The following HLA-DPA1 variants were observed in gnomAD, a reference collection of about 807,000 sequenced individuals.
The protein encoded by HLA-DPA1 is HLA class II histocompatibility antigen, DP alpha 1 chain.
A neutral mutation model predicts 21.5 loss-of-function variants in HLA-DPA1; 20 were observed. The observed-to-expected ratio is 0.93, with a 90% confidence interval of 0.66 to 1.35. The LOEUF is 1.35. Among genes scored for constraint, HLA-DPA1 ranks in the 40% most tolerant of loss-of-function variants. The pLI is 0.00. For synonymous variants in HLA-DPA1, 123 were observed against 129.6 expected (o/e 0.95, Z 0.35); for missense variants, 279 against 323.0 (o/e 0.86, Z 1.05).
exon 4 of HLA-DPA1, chr6:33,069,143 G>A (rs1489802379): frequency 6.2e-7 from 1 of 1,613,050 alleles, no homozygotes; most frequent in South Asian, 1.1e-5. Flanking sequence ...TTCTGGGCAG[G>A]AAGAGGCTCT....
intron 1 of HLA-DPA1, among the ~76,000 whole-genome samples, chr6:33,078,541 A>G (rs1454829490): frequency 6.6e-6 from 1 of 152,164 alleles, no homozygotes; most frequent in Non-Finnish European, 1.5e-5. Context: ...TAAGAGACGA[A>G]TTCATTCAGA....
exon 3 of HLA-DPA1, chr6:33,069,849 C>A (rs1042174): frequency 1.2e-6 from 2 of 1,604,790 alleles, no homozygotes; most frequent in East Asian, 2.2e-5. Context: ...TTGGTCTATG[C>A]GTCTGTACAA....
chr6:33,073,379 G>A (rs1289406212), intron 2 of HLA-DPA1, 92 bp downstream of exon 1: 7 of 804,722 alleles, frequency 8.7e-6, no homozygotes, highest in African/African-American at 1.7e-5. Flanking sequence ...ATAGATCAAT[G>A]AGCCCCTAAA....
chr6:33,078,974 G>A (rs1762699660), intron 1 of HLA-DPA1, among the ~76,000 whole-genome samples: 1 of 152,084 alleles, frequency 6.6e-6, no homozygotes, highest in South Asian at 2.1e-4. Context: ...TTAGGGTCTG[G>A]GGCCCAAGGC....
intron 5 of HLA-DPA1, chr6:33,067,480 A>T (rs1762019460): frequency 6.6e-6 from 1 of 152,174 alleles, no homozygotes; most frequent in South Asian, 2.1e-4. Context: ...GAATCCCCCA[A>T]CAGAAGCAGA....
At chr6:33,075,279 A>G (rs916027583) in intron 1 of HLA-DPA1, among the ~76,000 whole-genome samples, 6 of 152,164 alleles carry the variant, frequency 3.9e-5, no homozygotes, top group African/African-American at 1.4e-4. Flanking sequence ...TCATCCCCAT[A>G]TTGAAGACAA....
chr6:33,070,022 A>G, intron 2 of HLA-DPA1, 136 bp from the exon 2 acceptor site: 1 of 716,246 alleles, frequency 1.4e-6, no homozygotes, highest in Non-Finnish European at 2.3e-6. Flanking sequence ...CATATGGGGA[A>G]GAAGAAGGAG....
At chr6:33,073,545 T>C (rs776747628) in exon 2 of HLA-DPA1, 5 of 1,612,760 alleles carry the variant, frequency 3.1e-6, no homozygotes, top group Non-Finnish European at 4.2e-6. Flanking sequence ...AGCTCTGATA[T>C]GGAACATTCT....
chr6:33,079,582 G>A, intron 1 of HLA-DPA1: 1 of 416,358 alleles, frequency 2.4e-6, no homozygotes, highest in Non-Finnish European at 4.6e-6. Flanking sequence ...TTAACAGTAG[G>A]GTTCGTAGAA....
At chr6:33,068,863 G>C (rs1172292010) in intron 4 of HLA-DPA1, 59 bp from the exon 4 acceptor site, 3 of 1,583,886 alleles carry the variant, frequency 1.9e-6, no homozygotes, top group African/African-American at 2.7e-5. Flanking sequence ...GATGGCCTGG[G>C]ATGGTTGTGG....
At chr6:33,073,415 G>T in intron 2 of HLA-DPA1, 56 bp downstream of exon 1, 1 of 847,276 alleles carries the variant, frequency 1.2e-6, no homozygotes, top group Non-Finnish European at 1.8e-6. Flanking sequence ...AGCAGCAATT[G>T]ATGTGAACCA....
intron 1 of HLA-DPA1, chr6:33,076,258 T>C: frequency 1.5e-6 from 1 of 676,008 alleles, no homozygotes. Flanking sequence ...CCTAAGGCAG[T>C]GTCCTCTCTT....
intron 1 of HLA-DPA1, among the ~76,000 whole-genome samples, chr6:33,075,634 T>C (rs185410732): frequency 5.9e-5 from 9 of 152,104 alleles, no homozygotes; most frequent in African/African-American, 1.7e-4. Flanking sequence ...CAACAGACCA[T>C]GTCCTGTGGG....
chr6:33,073,465 A>C lies in HLA-DPA1; in HGVS notation c.100+6T>G. ...CCGACGCTCCTGCGTCCTCCTGAGC[A>C]CTCACCCTTGATGGCCCCAGCTCCT... On this transcript the variant is annotated splice_donor_region_variant and intron_variant, in intron 2 of 5. Coordinates refer to ENST00000419277, the Ensembl canonical transcript of HLA-DPA1. 1.2e-6 allele frequency: 2 copies of C among 1,600,656 alleles called. No homozygotes were observed. The highest frequency in any genetic ancestry group is 8.6e-7 in the Non-Finnish European group (1 of 1,168,836).
At chr6:33,073,710 C>T in intron 1 of HLA-DPA1, 61 bp from the exon 1 acceptor site, 1 of 623,010 alleles carries the variant, frequency 1.6e-6, no homozygotes, top group Non-Finnish European at 2.9e-6. Flanking sequence ...CTGGGATTCA[C>T]CTATCAGAGA....
intron 2 of HLA-DPA1, among the ~76,000 whole-genome samples, chr6:33,071,925 G>T (rs187847129): frequency 6.6e-6 from 1 of 152,304 alleles, no homozygotes; most frequent in African/African-American, 2.4e-5. Flanking sequence ...TGGATTATGG[G>T]TGGTCTCAGG....
At chr6:33,066,268 T>C (rs532501182) in intron 5 of HLA-DPA1, 1 of 152,066 alleles carries the variant, frequency 6.6e-6, no homozygotes, top group South Asian at 2.1e-4. Flanking sequence ...AACAGAACAG[T>C]GGAACAAGAT....
intron 5 of HLA-DPA1, chr6:33,068,231 T>A: frequency 6.3e-6 from 1 of 158,638 alleles, no homozygotes; most frequent in Non-Finnish European, 1.4e-5. Context: ...AATTTGAACT[T>A]GGTCTTTTCC....
At chr6:33,068,896 T>G in intron 4 of HLA-DPA1, 92 bp from the exon 4 acceptor site, 1 of 1,539,662 alleles carries the variant, frequency 6.5e-7, no homozygotes, top group Non-Finnish European at 8.9e-7. Context: ...ATGGACCAGT[T>G]AATTGGATGT....
Sources: gnomAD v4.1 joint callset for allele counts (sites outside exome capture counted in the v4.1 genomes callset) on GRCh38, gnomAD v4.1.1 for gene constraint, MANE v1.5 for transcripts, NCBI Gene and HGNC (gene_info 2026-07-23, HGNC 2026-07-21) for gene names.